FMN1: variants seen among roughly 807,000 people sequenced by gnomAD.
The protein encoded by FMN1 is formin-1.
Under a neutral mutation model 132.4 loss-of-function variants are expected in FMN1, and 110 were observed. That is an observed-to-expected ratio of 0.83 (90% confidence interval 0.71 to 0.97). The LOEUF (loss-of-function observed/expected upper bound fraction) is 0.97, where lower values mean the gene tolerates loss of function less well. FMN1 is among the 50% of genes least tolerant of loss of function. FMN1 has a pLI of 0.00. For synonymous variants in FMN1, 722 were observed against 651.7 expected (o/e 1.11, Z -1.64); for missense variants, 1,792 against 1,705.3 (o/e 1.05, Z -0.90).
At chr15:33,150,481 G>T (rs1202586217) in intron 4 of FMN1, 3 of 985,270 alleles carry the variant, frequency 3.0e-6, no homozygotes, top group Admixed American at 6.1e-5. Flanking sequence ...AGATTCCCAT[G>T]CATCATCCTT....
At chr15:32,843,721 C>T (rs1345824065) in intron 17 of FMN1, among the ~76,000 whole-genome samples, 7 of 152,128 alleles carry the variant, frequency 4.6e-5, no homozygotes, top group African/African-American at 1.7e-4. Context: ...TGAATGTCAA[C>T]AAGTTGGTGG....
In FMN1 at chr15:32,960,427, G is replaced by T. The variant is rs372737022; in HGVS notation, c.3138+3680C>A. On this transcript the variant is annotated intron_variant, in intron 9 of 20. Transcript: ENST00000616417. ...GTGGGGTCACAGAGCCAATTTATTA[G>T]AAAAATTCAAATTGTTCCATGCAAT... Among the ~76,000 whole-genome samples, 7 of 152,204 alleles carry T rather than the reference G, an allele frequency of 4.6e-5. No homozygotes were observed. The East Asian group carries it at 1.4e-3, about 29-fold the overall frequency.
intron 5 of FMN1, among the ~76,000 whole-genome samples, chr15:33,084,679 A>T (rs1414051068): frequency 2.0e-5 from 3 of 152,250 alleles, no homozygotes; most frequent in Admixed American, 6.5e-5. Context: ...ATGCCCCCAG[A>T]GTCTTCCTAG....
At chr15:33,068,206 G>C in intron 5 of FMN1, 1 of 268,842 alleles carries the variant, frequency 3.7e-6, no homozygotes, top group Non-Finnish European at 6.6e-6. Flanking sequence ...GGGGACAAAA[G>C]CCTTTTTGTC....
intron 2 of FMN1, among the ~76,000 whole-genome samples, chr15:33,189,868 G>A (rs143814882): frequency 2.0e-5 from 3 of 152,306 alleles, no homozygotes; most frequent in African/African-American, 7.2e-5. Context: ...AATAGACTTT[G>A]AGGACATTTT....
chr15:33,115,449 C>T (rs926460252), intron 4 of FMN1, among the ~76,000 whole-genome samples: 1 of 151,970 alleles, frequency 6.6e-6, no homozygotes, highest in Non-Finnish European at 1.5e-5. Flanking sequence ...GGTTGAGGTC[C>T]TTGTGTACAG....
intron 16 of FMN1, among the ~76,000 whole-genome samples, chr15:32,876,348 C>T (rs1276805354): frequency 2.0e-5 from 3 of 151,996 alleles, no homozygotes; most frequent in African/African-American, 7.3e-5. Context: ...TATAGAAGGC[C>T]AGGGGAAACT....
At chr15:33,043,259 T>C (rs2036524601) in intron 6 of FMN1, among the ~76,000 whole-genome samples, 1 of 152,228 alleles carries the variant, frequency 6.6e-6, no homozygotes, top group Non-Finnish European at 1.5e-5. Context: ...TTTCATGTCT[T>C]AAATGTTTTT....
At chr15:33,152,597 G>C (rs1566954395) in intron 4 of FMN1, among the ~76,000 whole-genome samples, 3 of 151,830 alleles carry the variant, frequency 2.0e-5, no homozygotes, top group African/African-American at 7.3e-5. Context: ...AAGACACAGC[G>C]TACTTTTGCA....
In FMN1 at chr15:33,088,900, C is replaced by T. The variant is rs2038802560; in HGVS notation, c.1942G>A (p.Gly648Ser). Residue 648 changes from glycine (G) to serine (S), a missense_variant, in exon 5 of 21, where the codon GGC becomes AGC. By Grantham distance (56) the Gly-to-Ser change is moderately conservative. This residue lies in a region of FMN1 where 1,150 missense variants were observed against 1,043.1 expected (regional missense o/e 1.10). Transcript: ENST00000616417. ...GCTCTGTAGCCCAGAACCCACGCGCCTCCATCTCTGTTGGGAAGGTCTTTA... is the reference window on the plus strand; with the variant it reads ...GCTCTGTAGCCCAGAACCCACGCGCTTCCATCTCTGTTGGGAAGGTCTTTA... ...TPKDLPNRDGGAWVLGYRAGP... is the reference protein window; with the variant it reads ...TPKDLPNRDGSAWVLGYRAGP... 2.6e-6 allele frequency: 4 copies of T among 1,535,954 alleles called. No individual in the cohort carries two copies. The African/African-American group carries it at 5.5e-5, about 21-fold the overall frequency.
intron 19 of FMN1, among the ~76,000 whole-genome samples, chr15:32,792,467 CA>C (rs35970344): frequency 0.014 from 2,108 of 148,618 alleles, 106 homozygotes; most frequent in East Asian, 0.13. Context: ...AACAAACAAA[CA>C]AAAAAAACCC....
chr15:32,916,848 C>G (rs1171549545), intron 10 of FMN1, among the ~76,000 whole-genome samples: 1 of 152,042 alleles, frequency 6.6e-6, no homozygotes, highest in Non-Finnish European at 1.5e-5. Flanking sequence ...TGGTATTTTT[C>G]AGAACTCGAC....
intron 7 of FMN1, among the ~76,000 whole-genome samples, chr15:32,999,926 C>A (rs2033995951): frequency 6.6e-6 from 1 of 152,178 alleles, no homozygotes; most frequent in South Asian, 2.1e-4. Context: ...ATCCCATGCT[C>A]AGGCTTCCCT....
chr15:33,011,232 A>T (rs2034700758), intron 6 of FMN1, among the ~76,000 whole-genome samples: 1 of 152,180 alleles, frequency 6.6e-6, no homozygotes, highest in Non-Finnish European at 1.5e-5. Flanking sequence ...GATAGAATAG[A>T]CAGTCCAGAA....
chr15:32,942,873 C>T lies in FMN1; in HGVS notation c.3139-16612G>A, dbSNP rs190140415. On this transcript the variant is annotated intron_variant, in intron 9 of 20. Transcript: ENST00000616417. ...AACTAAGGGCATGTGAAAGTTGCTG[C>T]TTTTCCTGTCTGAATCAACTATTTC... 5.3e-5 allele frequency among the ~76,000 whole-genome samples: 8 copies of T among 152,286 alleles called. No homozygotes were observed. In the East Asian group the frequency reaches 1.5e-3, roughly 29 times the overall value.
In FMN1 at chr15:32,993,305, A is replaced by G. The variant is rs112201544; in HGVS notation, c.2223+14709T>C. Among the ~76,000 whole-genome samples, 651 of 152,316 alleles carry G rather than the reference A, an allele frequency of 4.3e-3. 7 individuals carry two copies. Among genetic ancestry groups the G allele is most frequent in the African/African-American group, 0.015 (624 of 41,556 alleles). On this transcript the variant is annotated intron_variant, in intron 7 of 20. Transcript: ENST00000616417. ...TTCAACTTATAAACTTCATTTAGCA[A>G]ATTTGAAAATTATCATTGTTCTATG...
chr15:33,017,439 A>C (rs2035119613), intron 6 of FMN1, among the ~76,000 whole-genome samples: 1 of 152,106 alleles, frequency 6.6e-6, no homozygotes, highest in African/African-American at 2.4e-5. Flanking sequence ...CTTTCCGCTC[A>C]ATTTTTCTAT....
At chr15:33,078,138 CTT>C (rs772758150) in intron 5 of FMN1, among the ~76,000 whole-genome samples, 10 of 152,196 alleles carry the variant, frequency 6.6e-5, no homozygotes, top group Non-Finnish European at 1.2e-4. Context: ...CTTTTTGTCA[CTT>C]GAGGCAGGTT....
At chr15:33,129,506 G>A (rs1963442156) in intron 4 of FMN1, among the ~76,000 whole-genome samples, 1 of 152,156 alleles carries the variant, frequency 6.6e-6, no homozygotes, top group African/African-American at 2.4e-5. Flanking sequence ...CAACTGACAG[G>A]TTAAACTGGT....
Sources: gnomAD v4.1 joint callset for allele counts (sites outside exome capture counted in the v4.1 genomes callset) on GRCh38, gnomAD v4.1.1 for gene constraint, gnomAD v4.1.1 regional missense constraint, MANE v1.5 for transcripts, NCBI Gene and HGNC (gene_info 2026-07-23, HGNC 2026-07-21) for gene names.